The following PUS3 variants were observed in gnomAD, a reference collection of about 807,000 sequenced individuals.
PUS3 encodes tRNA pseudouridine(38/39) synthase.
Under a neutral mutation model 43.3 loss-of-function variants are expected in PUS3, and 36 were observed. That is an observed-to-expected ratio of 0.83 (90% CI 0.64 to 1.10). PUS3 has a LOEUF of 1.10. PUS3 is among the 50% of genes least tolerant of loss of function. The probability of loss-of-function intolerance (pLI) is 0.00; values close to 1 mark genes in which losing one functional copy is unlikely to be tolerated. For missense variants in PUS3, 544 were observed against 589.9 expected (o/e 0.92, Z 0.81); for synonymous variants, 183 against 199.2 (o/e 0.92, Z 0.69).
At chr11:125,901,195 A>G (rs1011754949) in intron 1 of PUS3, among the ~76,000 whole-genome samples, 2 of 152,174 alleles carry the variant, frequency 1.3e-5, no homozygotes, top group African/African-American at 4.8e-5. Flanking sequence ...AACTTGTTTT[A>G]TTTCAGAATT....
chr11:125,899,213 C>T, intron 1 of PUS3: 1 of 649,932 alleles, frequency 1.5e-6, no homozygotes. Flanking sequence ...CTGATACTAC[C>T]CTGTATTGAA....
chr11:125,902,320 C>A (rs183177731), intron 1 of PUS3, among the ~76,000 whole-genome samples: 107 of 141,014 alleles, frequency 7.6e-4, no homozygotes, highest in African/African-American at 2.7e-3. Context: ...TTGGGCCAGG[C>A]GCCGTGGCTC....
intron 1 of PUS3, among the ~76,000 whole-genome samples, chr11:125,898,674 CAA>C (rs1218833075): frequency 7.0e-6 from 1 of 143,272 alleles, no homozygotes; most frequent in Admixed American, 7.0e-5. Context: ...GACTCCATCT[CAA>C]AAAAAAAAAT....
Position 125,896,029 on chromosome 11 carries a change from T to C in PUS3, c.256A>G (p.Asn86Asp). The part of the protein sequence containing the change: ...YQGFASQENT[N>D]NTIEEKLFEA... ...AACAGTTTCTCTTCAATGGTATTAT[T>C]TGTGTTTTCCTGACTAGCAAAGCCC... Residue 86 changes from asparagine (N) to aspartate (D), a missense_variant, in exon 2 of 4, where the codon AAT (asparagine) becomes GAT (aspartate). Physicochemically the swap from Asn to Asp is conservative, Grantham distance 23. Coordinates refer to ENST00000227474, the MANE Select transcript of PUS3 (RefSeq NM_031307.4). 1.2e-6 allele frequency: 2 copies of C among 1,614,196 alleles called. No homozygotes were observed. The highest frequency in any genetic ancestry group is 1.7e-6 in the Non-Finnish European group (2 of 1,180,026).
intron 1 of PUS3, among the ~76,000 whole-genome samples, chr11:125,897,815 T>C (rs1219300838): frequency 6.6e-6 from 1 of 152,210 alleles, no homozygotes; most frequent in Admixed American, 6.5e-5. Flanking sequence ...AAATTGAATA[T>C]ACACATACCT....
intron 1 of PUS3, among the ~76,000 whole-genome samples, chr11:125,901,483 A>C (rs1944772422): frequency 1.3e-5 from 2 of 152,342 alleles, no homozygotes; most frequent in East Asian, 3.9e-4. Flanking sequence ...CTAAAATCTG[A>C]AAGTTGTCAG....
At position 125,900,503 on chromosome 11, in the gene PUS3, T is replaced by C. The variant is rs1591509042; in HGVS notation, c.-47+2667A>G. 9 of 516,402 alleles carry C rather than the reference T, an allele frequency of 1.7e-5. No homozygotes were observed. The East Asian group carries it at 3.4e-4, about 19-fold the overall frequency. The allele number at this position is 516,402 out of a possible 1,614,324, so 32.0% of individuals were successfully genotyped here. On this transcript the variant is annotated intron_variant, in intron 1 of 3. Coordinates refer to ENST00000227474, the MANE Select transcript of PUS3 (RefSeq NM_031307.4). ...CATATCAGAGAAAGAACAACAGACC[T>C]GGTCTTTCTATTTTGTCAAATTAGT...
At chr11:125,901,660 G>A (rs567939523) in intron 1 of PUS3, among the ~76,000 whole-genome samples, 2 of 152,164 alleles carry the variant, frequency 1.3e-5, no homozygotes, top group Admixed American at 1.3e-4. Flanking sequence ...TATTTGTTAG[G>A]CATTTGTCTG....
chr11:125,902,770 G>A (rs550146356), intron 1 of PUS3, among the ~76,000 whole-genome samples: 163 of 151,984 alleles, frequency 1.1e-3, no homozygotes, highest in East Asian at 6.0e-3. Context: ...CTGTATGTAA[G>A]GCAATCCCCA....
In PUS3 at chr11:125,894,048, CAG is replaced by C. The variant is rs753229591; in HGVS notation, c.1181_1182del (p.Ser394CysfsTer18). ...GMTEWGNVKP[S>X]VIKQTSAFVE... ...ACAAAGGCACTGGTCTGCTTTATGA[CAG>C]AGGGCTTAACATTTCCCCATTCTGT... On this transcript the variant is annotated frameshift_variant, in exon 4 of 4. Transcript: ENST00000227474. LOFTEE classifies it high-confidence loss of function. 6.2e-7 allele frequency: 1 copy of C among 1,614,180 alleles called. No homozygotes were observed. Among genetic ancestry groups the C allele is most frequent in the South Asian group, 1.1e-5 (1 of 91,086 alleles).
Position 125,895,805 on chromosome 11 carries a change from A to C in PUS3, c.379-16T>G, listed in dbSNP as rs775453490. The stretch of plus-strand genomic sequence containing the variant: ...GTGAGATCACCTGTGGAGTTAGACA[A>C]AGATACTGGGTTTTAGAGACACAAA... On this transcript the variant is annotated splice_polypyrimidine_tract_variant and intron_variant, in intron 2 of 3. Coordinates refer to ENST00000227474, the MANE Select transcript of PUS3 (RefSeq NM_031307.4). 4 of 1,586,148 alleles carry C rather than the reference A, an allele frequency of 2.5e-6. No individual in the cohort carries two copies. The highest frequency in any genetic ancestry group is 3.4e-6 in the Non-Finnish European group (4 of 1,170,322).
chr11:125,902,343 C>T (rs1944797765), intron 1 of PUS3, among the ~76,000 whole-genome samples: 1 of 145,770 alleles, frequency 6.9e-6, no homozygotes. Context: ...GCCTGTCATC[C>T]CAACATTTTG....
chr11:125,897,606 T>A (rs1392775094), intron 1 of PUS3, among the ~76,000 whole-genome samples: 1 of 151,936 alleles, frequency 6.6e-6, no homozygotes, highest in African/African-American at 2.4e-5. Context: ...CTTATAAAAA[T>A]TTTTTAAAAA....
Position 125,896,272 on chromosome 11 carries a change from C to T in PUS3, c.13G>A (p.Asp5Asn), listed in dbSNP as rs1944587434. 1 of 1,606,440 alleles carries T rather than the reference C, an allele frequency of 6.2e-7. No individual in the cohort carries two copies. Among genetic ancestry groups the T allele is most frequent in the Non-Finnish European group, 8.5e-7 (1 of 1,173,794 alleles). The change falls in exon 2 of 4, where the codon GAC (aspartate) becomes AAC (asparagine). Residue 5 changes from aspartate (D) to asparagine (N), a missense_variant. Transcript: ENST00000227474. MAYN[D>N]TDRNQTEKLL... ...TTCTCAGTCTGGTTTCTGTCTGTGT[C>T]ATTATAAGCCATGATATGACAACCC... is the stretch of plus-strand genomic sequence containing the variant.
In PUS3 at chr11:125,893,728, T is replaced by C. The variant is rs12575048; in HGVS notation, c.*57A>G. On this transcript the variant is annotated 3_prime_UTR_variant, in exon 4 of 4. Coordinates refer to ENST00000227474, the MANE Select transcript of PUS3 (RefSeq NM_031307.4). ...ACTTGCAAGTAAATTTTTTTTTTTT[T>C]CCTTTTCTGTCCACCTACCATTAGG... 3,001 of 1,401,042 alleles carry C rather than the reference T, an allele frequency of 2.1e-3. 96 individuals carry two copies. In the East Asian group the frequency reaches 0.062, roughly 29 times the overall value. 86.8% of individuals were successfully genotyped at this position (1,401,042 alleles called of 1,614,324 possible). A position where few individuals can be genotyped will look rare whatever the true frequency, so the allele number is the denominator to read the frequency against.
intron 1 of PUS3, among the ~76,000 whole-genome samples, chr11:125,901,081 A>G (rs1400488949): frequency 6.6e-6 from 1 of 152,188 alleles, no homozygotes; most frequent in Non-Finnish European, 1.5e-5. Flanking sequence ...AGAGGTTAAC[A>G]ACATGGATAG....
At chr11:125,896,387 C>G (rs1232375572) in intron 1 of PUS3, 57 bp from the exon 2 acceptor site, 4 of 1,143,474 alleles carry the variant, frequency 3.5e-6, no homozygotes, top group Non-Finnish European at 5.0e-6. Context: ...TGATGATGTT[C>G]TAATGGTATA....
Position 125,895,584 on chromosome 11 carries a change from T to C in PUS3, c.584A>G (p.Tyr195Cys), listed in dbSNP as rs1944557606. 6.2e-7 allele frequency: 1 copy of C among 1,614,166 alleles called. No homozygotes were observed. Residue 195 changes from tyrosine (Y) to cysteine (C), a missense_variant, in exon 3 of 4, where the codon TAC becomes TGC. Physicochemically the swap from Tyr to Cys is radical, Grantham distance 194. Transcript: ENST00000227474. The stretch of plus-strand genomic sequence containing the variant: ...ATCAGCACGAGGGAAAAAATAGCGG[T>C]AAGTCCGCTCAAGGCAGCTGAACCT... Reference protein sequence around the residue: ...SARFSCLERTYRYFFPRADLD... With the variant: ...SARFSCLERTCRYFFPRADLD...
At chr11:125,899,874 T>C (rs1944710006) in intron 1 of PUS3, 5 of 1,614,092 alleles carry the variant, frequency 3.1e-6, no homozygotes, top group Non-Finnish European at 4.2e-6. Flanking sequence ...GATCAGCTCA[T>C]TTGCTCTCTA....
Sources: allele counts gnomAD v4.1 joint callset (sites outside exome capture counted in the v4.1 genomes callset), GRCh38; gene constraint gnomAD v4.1.1; transcripts MANE v1.5; gene names NCBI Gene and HGNC (gene_info 2026-07-23, HGNC 2026-07-21).